SNTG1: variants seen among roughly 807,000 people sequenced by gnomAD.
SNTG1 encodes gamma-1-syntrophin.
SNTG1 carries 39 observed loss-of-function variants against 74.7 expected under a neutral mutation model. The ratio of observed to expected loss-of-function variants is 0.52; its 90% CI spans 0.40 to 0.68. The LOEUF is 0.68. Ranked by LOEUF, SNTG1 falls within the 30% of genes least tolerant of loss-of-function variation. The pLI is 0.00. For missense variants in SNTG1, 685 were observed against 609.5 expected (o/e 1.12, Z -1.30); for synonymous variants, 254 against 217.1 (o/e 1.17, Z -1.49).
chr8:50,303,095 AAC>A (rs2089723307), intron 2 of SNTG1, among the ~76,000 whole-genome samples: 1 of 152,200 alleles, frequency 6.6e-6, no homozygotes, highest in African/African-American at 2.4e-5. Flanking sequence ...TAAGCACATA[AAC>A]ACATATTTAT....
At chr8:50,047,273 A>G (rs1819172802) in intron 1 of SNTG1, among the ~76,000 whole-genome samples, 1 of 152,046 alleles carries the variant, frequency 6.6e-6, no homozygotes, top group Non-Finnish European at 1.5e-5. Context: ...CAGGCAGTCA[A>G]TGCTGCAGTG....
intron 2 of SNTG1, among the ~76,000 whole-genome samples, chr8:50,328,579 G>T (rs993997392): frequency 2.0e-4 from 30 of 152,258 alleles, no homozygotes; most frequent in African/African-American, 7.0e-4. Context: ...AAAACCATCA[G>T]ATCTCATGAG....
At chr8:50,765,320 G>A (rs915892171) in intron 18 of SNTG1, among the ~76,000 whole-genome samples, 9 of 151,982 alleles carry the variant, frequency 5.9e-5, no homozygotes, top group African/African-American at 4.8e-5. Context: ...CTCAGGTCAC[G>A]TGGCTAGAAG....
At chr8:50,048,924 T>C (rs1819327299) in intron 1 of SNTG1, among the ~76,000 whole-genome samples, 1 of 152,084 alleles carries the variant, frequency 6.6e-6, no homozygotes, top group African/African-American at 2.4e-5. Context: ...TTTAACAGTA[T>C]GTCATTTACG....
chr8:50,429,923 A>G (rs1013770032), intron 4 of SNTG1, among the ~76,000 whole-genome samples: 1 of 152,174 alleles, frequency 6.6e-6, no homozygotes, highest in Non-Finnish European at 1.5e-5. Context: ...CTTTATATCA[A>G]TTAGGGTGGC....
chr8:50,545,756 G>T (rs954194798), intron 11 of SNTG1, among the ~76,000 whole-genome samples: 2 of 152,056 alleles, frequency 1.3e-5, no homozygotes, highest in Admixed American at 6.6e-5. Context: ...CTCCCAGAGT[G>T]CACACACTTG....
rs554149793 is a variant in SNTG1, at chr8:50,132,572, A to G, written c.-102-39989A>G. 1.0e-3 allele frequency among the ~76,000 whole-genome samples: 153 copies of G among 152,316 alleles called. 1 individual carries two copies. Among genetic ancestry groups the G allele is most frequent in the Non-Finnish European group, 1.8e-3 (122 of 68,028 alleles). ...TCTGAAATCCAACAGGGAAAATTCT[A>G]TTAGGTTTCAAGGACTACTAATAAT... On this transcript the variant is annotated intron_variant, in intron 1 of 18. Transcript: ENST00000642720.
intron 8 of SNTG1, among the ~76,000 whole-genome samples, chr8:50,476,065 CA>C (rs1440222933): frequency 6.6e-6 from 1 of 151,722 alleles, no homozygotes; most frequent in African/African-American, 2.4e-5. Flanking sequence ...ATACACTACC[CA>C]CCCGTTAGAC....
At chr8:50,209,830 A>C (rs1259038533) in intron 2 of SNTG1, among the ~76,000 whole-genome samples, 2 of 152,228 alleles carry the variant, frequency 1.3e-5, no homozygotes, top group Non-Finnish European at 2.9e-5. Flanking sequence ...CTCCAAAGGA[A>C]CGTAGCTCCT....
chr8:50,057,217 T>C (rs530659624), intron 1 of SNTG1, among the ~76,000 whole-genome samples: 2 of 152,206 alleles, frequency 1.3e-5, no homozygotes, highest in East Asian at 3.9e-4. Context: ...AACAGTCAGT[T>C]TGTCATATGC....
chr8:49,951,873 C>CAAAAAAAAAAAAAAAAAAAAAAAAAAA (rs5891338), intron 1 of SNTG1, among the ~76,000 whole-genome samples: 27 of 56,266 alleles, frequency 4.8e-4, no homozygotes, highest in East Asian at 6.5e-4. Flanking sequence ...GGAAAATTCA[C>CAAAAAAAAAAAAAAAAAAAAAAAAAAA]AAAAAAAAAA....
chr8:50,758,371 G>T (rs1186321445), intron 18 of SNTG1, among the ~76,000 whole-genome samples: 1 of 151,898 alleles, frequency 6.6e-6, no homozygotes, highest in Admixed American at 6.6e-5. Context: ...TGCAGAATGT[G>T]CAGGTTTGTT....
At chr8:50,308,394 A>G (rs1387877515) in intron 2 of SNTG1, among the ~76,000 whole-genome samples, 1 of 151,762 alleles carries the variant, frequency 6.6e-6, no homozygotes, top group Non-Finnish European at 1.5e-5. Context: ...AGGCCTATAG[A>G]GTTCACTTGT....
chr8:50,022,318 A>G (rs897412941), intron 1 of SNTG1, among the ~76,000 whole-genome samples: 1 of 152,210 alleles, frequency 6.6e-6, no homozygotes, highest in African/African-American at 2.4e-5. Context: ...TATGGGGGTA[A>G]AATGATCACT....
chr8:50,311,889 T>A (rs1304772020), intron 2 of SNTG1, among the ~76,000 whole-genome samples: 1 of 152,202 alleles, frequency 6.6e-6, no homozygotes, highest in Non-Finnish European at 1.5e-5. Flanking sequence ...TGCATTTAAT[T>A]TCTCTAGTTC....
intron 1 of SNTG1, among the ~76,000 whole-genome samples, chr8:50,034,448 T>C (rs1817982712): frequency 6.6e-6 from 1 of 152,168 alleles, no homozygotes. Context: ...TATACAAGGC[T>C]AATGCCAGCA....
intron 2 of SNTG1, among the ~76,000 whole-genome samples, chr8:50,354,427 GC>G (rs1336471668): frequency 6.6e-6 from 1 of 151,960 alleles, no homozygotes; most frequent in African/African-American, 2.4e-5. Context: ...TAGATTTTAG[GC>G]CTTTTTTGGT....
chr8:50,407,493 T>A (rs879508854), intron 4 of SNTG1, among the ~76,000 whole-genome samples: 5 of 152,214 alleles, frequency 3.3e-5, no homozygotes, highest in Non-Finnish European at 5.9e-5. Flanking sequence ...GATTATAGAA[T>A]GTTGTAGTTT....
In SNTG1 at chr8:50,751,998, T is replaced by C. The variant is rs763934937; in HGVS notation, c.1285-3T>C. 9.1e-6 allele frequency: 14 copies of C among 1,538,592 alleles called. 1 individual carries two copies. In the African/African-American group the frequency reaches 2.0e-4, roughly 22 times the overall value. On this transcript the variant is annotated splice_region_variant and splice_polypyrimidine_tract_variant and intron_variant, in intron 17 of 18. Coordinates refer to ENST00000642720, the MANE Select transcript of SNTG1 (RefSeq NM_018967.5). The stretch of plus-strand genomic sequence containing the variant: ...CTTACATTGTTTTTTTTCCCCCCTT[T>C]AGGCTGTCCTTTGGAGGTATAAATT...
Sources: gnomAD v4.1 joint callset for allele counts (sites outside exome capture counted in the v4.1 genomes callset) on GRCh38, gnomAD v4.1.1 for gene constraint, MANE v1.5 for transcripts, NCBI Gene and HGNC (gene_info 2026-07-23, HGNC 2026-07-21) for gene names.